The following OR9Q1 variants were observed in gnomAD, a reference collection of about 807,000 sequenced individuals.
The protein encoded by OR9Q1 is olfactory receptor family 9 subfamily Q member 1.
For synonymous variants in OR9Q1, 153 were observed against 148.6 expected, an observed-to-expected ratio of 1.03 and a Z score of -0.22; for missense variants, 374 against 378.8, an observed-to-expected ratio of 0.99 and a Z score of 0.11.
At chr11:58,052,619 GAA>G (rs201518399) in intron 1 of OR9Q1, among the ~76,000 whole-genome samples, 16,254 of 50,178 alleles carry the variant, frequency 0.32, 2,605 homozygotes, top group East Asian at 0.64. Flanking sequence ...AGAAAAAAAG[GAA>G]AAAAAAAAAA....
intron 1 of OR9Q1, among the ~76,000 whole-genome samples, chr11:58,043,706 C>G (rs1010344506): frequency 6.6e-6 from 1 of 152,204 alleles, no homozygotes. Flanking sequence ...ACATGCCACC[C>G]CTTGCATTGC....
intron 2 of OR9Q1, among the ~76,000 whole-genome samples, chr11:58,138,898 A>G (rs1854214729): frequency 6.6e-6 from 1 of 152,124 alleles, no homozygotes; most frequent in Non-Finnish European, 1.5e-5. Flanking sequence ...GTACCCTTTG[A>G]CCATCATGTC....
chr11:58,037,689 ATTTTTTTTT>A (rs554392577), intron 1 of OR9Q1, among the ~76,000 whole-genome samples: 11 of 6,986 alleles, frequency 1.6e-3, no homozygotes, highest in African/African-American at 3.9e-3. Flanking sequence ...ATATATATAT[ATTTTTTTTT>A]TTTTTTTTTT....
chr11:58,175,309 T>C (rs546938963), intron 2 of OR9Q1, among the ~76,000 whole-genome samples: 1 of 152,128 alleles, frequency 6.6e-6, no homozygotes, highest in South Asian at 2.1e-4. Flanking sequence ...AGGAGCAATG[T>C]CACTCACTGT....
chr11:58,036,503 A>T (rs182648721), intron 1 of OR9Q1, among the ~76,000 whole-genome samples: 1 of 152,352 alleles, frequency 6.6e-6, no homozygotes, highest in Non-Finnish European at 1.5e-5. Flanking sequence ...TATAGCTGCC[A>T]TAGATAGTGA....
At chr11:58,083,203 G>T (rs1000314139) in intron 2 of OR9Q1, among the ~76,000 whole-genome samples, 6 of 152,012 alleles carry the variant, frequency 3.9e-5, no homozygotes, top group Non-Finnish European at 8.8e-5. Context: ...GTAAGGAAGG[G>T]ATCCAGTTTC....
intron 2 of OR9Q1, among the ~76,000 whole-genome samples, chr11:58,083,204 A>G (rs377071531): frequency 6.6e-6 from 1 of 151,974 alleles, no homozygotes; most frequent in African/African-American, 2.4e-5. Context: ...TAAGGAAGGG[A>G]TCCAGTTTCA....
chr11:58,112,281 A>T (rs1402254044), intron 2 of OR9Q1, among the ~76,000 whole-genome samples: 1 of 146,956 alleles, frequency 6.8e-6, no homozygotes, highest in Non-Finnish European at 1.5e-5. Flanking sequence ...TGACAGAGTG[A>T]GACTTCGTCT....
chr11:58,137,151 T>C (rs943848250), intron 2 of OR9Q1, among the ~76,000 whole-genome samples: 2 of 152,162 alleles, frequency 1.3e-5, no homozygotes, highest in Non-Finnish European at 1.5e-5. Context: ...AATACCTCTT[T>C]CCAAAAGAGA....
At chr11:58,080,836 A>T (rs954376259) in intron 2 of OR9Q1, among the ~76,000 whole-genome samples, 2 of 152,124 alleles carry the variant, frequency 1.3e-5, no homozygotes, top group African/African-American at 4.8e-5. Flanking sequence ...TTTAAAAATT[A>T]TACTTTAAGT....
At chr11:58,137,826 G>A (rs1336012342) in intron 2 of OR9Q1, among the ~76,000 whole-genome samples, 1 of 152,062 alleles carries the variant, frequency 6.6e-6, no homozygotes, top group African/African-American at 2.4e-5. Flanking sequence ...AAATGAGGCA[G>A]TTTATATAAA....
chr11:58,034,792 C>CCTTCCTT (rs1853082380), intron 1 of OR9Q1, among the ~76,000 whole-genome samples: 1 of 96,048 alleles, frequency 1.0e-5, no homozygotes, highest in African/African-American at 3.7e-5. Flanking sequence ...CCTCCTTTCT[C>CCTTCCTT]CCTTCCTTCC....
Position 58,152,322 on chromosome 11 carries a change from G to C in OR9Q1, c.-14-27109G>C, listed in dbSNP as rs140360286. 1.8e-3 allele frequency among the ~76,000 whole-genome samples: 269 copies of C among 152,100 alleles called. 1 individual carries two copies. Among genetic ancestry groups the C allele is most frequent in the African/African-American group, 6.1e-3 (255 of 41,482 alleles). On this transcript the variant is annotated intron_variant, in intron 2 of 2. Transcript: ENST00000335397. ...ATTAGTATATATTTATGAAATTCAG[G>C]ACATTTAAAATAAGCTAATAATGGA...
chr11:58,045,204 A>G (rs1332325626), intron 1 of OR9Q1: 1 of 152,134 alleles, frequency 6.6e-6, no homozygotes, highest in Non-Finnish European at 1.5e-5. Flanking sequence ...GATAAGGGAT[A>G]CTCAAGTTGT....
At chr11:58,060,756 A>C (rs1347508162) in intron 2 of OR9Q1, among the ~76,000 whole-genome samples, 1 of 151,964 alleles carries the variant, frequency 6.6e-6, no homozygotes, top group Admixed American at 6.6e-5. Flanking sequence ...GGTCAGTTGA[A>C]TATTAAACTT....
intron 1 of OR9Q1, among the ~76,000 whole-genome samples, chr11:58,043,900 G>C (rs1853190967): frequency 6.6e-6 from 1 of 152,174 alleles, no homozygotes; most frequent in Non-Finnish European, 1.5e-5. Context: ...CCTGAGCTCT[G>C]TGGGTCCAGG....
chr11:58,136,170 G>GGTAACT (rs1854187822), intron 2 of OR9Q1, among the ~76,000 whole-genome samples: 2 of 152,138 alleles, frequency 1.3e-5, no homozygotes, highest in Non-Finnish European at 2.9e-5. Context: ...TAATGTGGGG[G>GGTAACT]AAAGATAACC....
intron 2 of OR9Q1, among the ~76,000 whole-genome samples, chr11:58,154,352 G>A (rs1399130996): frequency 1.3e-5 from 2 of 150,312 alleles, no homozygotes; most frequent in African/African-American, 2.4e-5. Flanking sequence ...AAGTGTTTTG[G>A]CTTAGCAATA....
At chr11:58,111,816 C>G (rs1056340637) in intron 2 of OR9Q1, among the ~76,000 whole-genome samples, 1 of 152,078 alleles carries the variant, frequency 6.6e-6, no homozygotes, top group Non-Finnish European at 1.5e-5. Flanking sequence ...ATCTACTATC[C>G]TATTCTATGA....
Sources: allele counts gnomAD v4.1 joint callset (sites outside exome capture counted in the v4.1 genomes callset), GRCh38; gene constraint gnomAD v4.1.1; transcripts MANE v1.5; gene names NCBI Gene and HGNC (gene_info 2026-07-23, HGNC 2026-07-21).